The following TRERF1 variants were observed in gnomAD, a reference collection of about 807,000 sequenced individuals.
TRERF1 encodes the protein transcriptional regulating factor 1.
In TRERF1, 27 loss-of-function variants were observed where a neutral mutation model predicts 122.9. The observed-to-expected ratio is 0.22, with a 90% CI of 0.16 to 0.30. The LOEUF (loss-of-function observed/expected upper bound fraction) is 0.30, where lower values mean the gene tolerates loss of function less well. Ranked by LOEUF, TRERF1 falls within the 10% of genes least tolerant of loss-of-function variation. TRERF1 has a pLI of 1.00. For missense variants in TRERF1, 1,248 were observed against 1,560.3 expected (o/e 0.80, Z 3.37); for synonymous variants, 636 against 641.7 (o/e 0.99, Z 0.13).
chr6:42,290,594 A>C (rs1173369068), intron 4 of TRERF1, among the ~76,000 whole-genome samples: 1 of 151,442 alleles, frequency 6.6e-6, no homozygotes, highest in Non-Finnish European at 1.5e-5. Flanking sequence ...TCAGCTCAAC[A>C]TGTCTAAATA....
chr6:42,423,358 C>T (rs1783088418), intron 2 of TRERF1, among the ~76,000 whole-genome samples: 1 of 152,212 alleles, frequency 6.6e-6, no homozygotes, highest in African/African-American at 2.4e-5. Context: ...TGAGCCAAAA[C>T]TTAAAACCAG....
At chr6:42,358,225 T>C (rs1770969328) in intron 3 of TRERF1, among the ~76,000 whole-genome samples, 1 of 152,214 alleles carries the variant, frequency 6.6e-6, no homozygotes, top group African/African-American at 2.4e-5. Flanking sequence ...ACTTTCTAAT[T>C]TGAACTACTT....
rs551475426 is a variant in TRERF1, at chr6:42,278,259, T to C, written c.-258-8411A>G. On this transcript the variant is annotated intron_variant, in intron 4 of 17. Transcript: ENST00000372922. ...AATGCACGCAGTGTAGAGACCAATGTGGTCTCCACCTCTCCTTTTATGACA... is the reference window on the plus strand; with the variant it reads ...AATGCACGCAGTGTAGAGACCAATGCGGTCTCCACCTCTCCTTTTATGACA... 3.9e-5 allele frequency among the ~76,000 whole-genome samples: 6 copies of C among 152,282 alleles called. 1 individual carries two copies. The South Asian group carries it at 1.2e-3, about 32-fold the overall frequency.
At chr6:42,434,990 C>T (rs539723981) in intron 2 of TRERF1, among the ~76,000 whole-genome samples, 41 of 152,048 alleles carry the variant, frequency 2.7e-4, no homozygotes, top group Non-Finnish European at 4.4e-4. Context: ...GTTAGCTGGG[C>T]GTGGTGGTGG....
chr6:42,418,218 CTTTTT>C (rs34388801), intron 2 of TRERF1, among the ~76,000 whole-genome samples: 5 of 34,666 alleles, frequency 1.4e-4, no homozygotes, highest in Non-Finnish European at 2.0e-4. Flanking sequence ...TTTTTCTTTC[CTTTTT>C]TTTTTTTTTT....
Position 42,240,529 on chromosome 6 carries a change from CTT to C in TRERF1, c.2859+2717_2859+2718del, listed in dbSNP as rs758725894. 2.8e-4 allele frequency among the ~76,000 whole-genome samples: 43 copies of C among 152,364 alleles called. No homozygotes were observed. The Middle Eastern group carries it at 0.01, about 36-fold the overall frequency. On this transcript the variant is annotated intron_variant, in intron 15 of 17. Transcript: ENST00000372922. The stretch of plus-strand genomic sequence containing the variant: ...CTTTGTGCTTCCTTGTTTACTGTCT[CTT>C]CTACTCATTTGGAAAGCAATGCTCT...
chr6:42,372,740 A>G lies in TRERF1; in HGVS notation c.-453-9661T>C, dbSNP rs562177822. 2.0e-4 allele frequency among the ~76,000 whole-genome samples: 31 copies of G among 152,332 alleles called. No homozygotes were observed. In the South Asian group the frequency reaches 6.4e-3, roughly 32 times the overall value. ...ATGAGAAGGTCTCAGAGGAAGTGAGATCTGAGTTGGGTCTCAAAAAATGGG... is the reference window on the plus strand; with the variant it reads ...ATGAGAAGGTCTCAGAGGAAGTGAGGTCTGAGTTGGGTCTCAAAAAATGGG... On this transcript the variant is annotated intron_variant, in intron 2 of 17. Transcript: ENST00000372922.
chr6:42,385,869 T>C (rs1776711848), intron 2 of TRERF1, among the ~76,000 whole-genome samples: 1 of 152,248 alleles, frequency 6.6e-6, no homozygotes, highest in Non-Finnish European at 1.5e-5. Context: ...TAATATGCTA[T>C]CATTCTTACC....
Position 42,446,668 on chromosome 6 carries a change from A to G in TRERF1, c.-454+4509T>C, listed in dbSNP as rs1158136912. 2.6e-5 allele frequency among the ~76,000 whole-genome samples: 4 copies of G among 152,180 alleles called. No individual in the cohort carries two copies. In the East Asian group the frequency reaches 5.8e-4, roughly 22 times the overall value. ...TAAGTCCTCAATAAGAAGCTGCCGCATGTATGAAAGAAACCAGGGCTGCTT... is the reference window on the plus strand; with the variant it reads ...TAAGTCCTCAATAAGAAGCTGCCGCGTGTATGAAAGAAACCAGGGCTGCTT... On this transcript the variant is annotated intron_variant, in intron 2 of 17. Coordinates refer to ENST00000372922, the Ensembl canonical transcript of TRERF1.
chr6:42,254,995 C>T, intron 12 of TRERF1, 69 bp from the exon 13 acceptor site: 1 of 1,516,922 alleles, frequency 6.6e-7, no homozygotes, highest in Non-Finnish European at 9.1e-7. Flanking sequence ...AGATCATCTA[C>T]CCAAAGGGGA....
chr6:42,442,435 C>A (rs1350961633), intron 2 of TRERF1, among the ~76,000 whole-genome samples: 1 of 152,108 alleles, frequency 6.6e-6, no homozygotes, highest in African/African-American at 2.4e-5. Flanking sequence ...AAAGTCAGAG[C>A]CCAGGGGCTA....
chr6:42,371,666 G>T (rs1028188869), intron 2 of TRERF1, among the ~76,000 whole-genome samples: 1 of 152,150 alleles, frequency 6.6e-6, no homozygotes, highest in South Asian at 2.1e-4. Context: ...TCAACCAGAT[G>T]CATCTGTGAC....
intron 3 of TRERF1, among the ~76,000 whole-genome samples, chr6:42,309,354 C>T (rs929246874): frequency 4.6e-5 from 7 of 152,116 alleles, no homozygotes; most frequent in African/African-American, 1.2e-4. Context: ...CTCAGAGAGG[C>T]GAAGTAAAGG....
chr6:42,354,254 T>A (rs1182253192), intron 3 of TRERF1, among the ~76,000 whole-genome samples: 2 of 152,224 alleles, frequency 1.3e-5, no homozygotes, highest in Admixed American at 6.5e-5. Context: ...TATATTTGTT[T>A]AGTGTTGTAT....
At chr6:42,408,252 TACAC>T (rs1562152713) in intron 2 of TRERF1, among the ~76,000 whole-genome samples, 23 of 90,532 alleles carry the variant, frequency 2.5e-4, no homozygotes, top group Admixed American at 4.0e-4. Context: ...TATATATACA[TACAC>T]ATGTGTGTGT....
intron 3 of TRERF1, among the ~76,000 whole-genome samples, chr6:42,336,670 C>T (rs1046672696): frequency 6.6e-6 from 1 of 152,200 alleles, no homozygotes; most frequent in African/African-American, 2.4e-5. Flanking sequence ...AGACCGTTCA[C>T]CTCCCAACTT....
chr6:42,373,453 G>A lies in TRERF1; in HGVS notation c.-453-10374C>T, dbSNP rs1237899606. Among the ~76,000 whole-genome samples the A allele has an allele frequency of 3.3e-5, 5 of 152,320 alleles. No individual in the cohort carries two copies. In the East Asian group the frequency reaches 9.7e-4, roughly 29 times the overall value. On this transcript the variant is annotated intron_variant, in intron 2 of 17. Transcript: ENST00000372922. ...GAGGCCAAGGCGGGTGGATCATGGG[G>A]TCAGGAGATCGAGACCATCCTGGCA... is the stretch of plus-strand genomic sequence containing the variant.
intron 4 of TRERF1, among the ~76,000 whole-genome samples, 190 bp downstream of exon 4, chr6:42,300,448 A>G (rs1223621226): frequency 6.6e-6 from 1 of 152,214 alleles, no homozygotes; most frequent in Non-Finnish European, 1.5e-5. Flanking sequence ...TTTCTGCTCC[A>G]TATCAGCCTC....
At chr6:42,250,934 G>C (rs1775649265) in intron 13 of TRERF1, among the ~76,000 whole-genome samples, 1 of 150,986 alleles carries the variant, frequency 6.6e-6, no homozygotes, top group Admixed American at 6.6e-5. Flanking sequence ...GTATCTTTTA[G>C]AGGGCCTTTC....
Sources: allele counts gnomAD v4.1 joint callset (sites outside exome capture counted in the v4.1 genomes callset), GRCh38; gene constraint gnomAD v4.1.1; transcripts MANE v1.5; gene names NCBI Gene and HGNC (gene_info 2026-07-23, HGNC 2026-07-21).